The following SPOPL variants were observed in gnomAD, a reference collection of about 807,000 sequenced individuals.
SPOPL encodes the protein speckle type BTB/POZ protein like, also known as speckle-type POZ protein-like.
Under a neutral mutation model 53.8 loss-of-function variants are expected in SPOPL, and 23 were observed. The observed-to-expected ratio is 0.43, with a 90% confidence interval of 0.31 to 0.61. The LOEUF (loss-of-function observed/expected upper bound fraction) is 0.61. Among genes scored for constraint, SPOPL ranks in the 20% least tolerant of loss-of-function variants. The pLI, the probability that SPOPL is intolerant of heterozygous loss-of-function variation, is 0.12. For synonymous variants in SPOPL, 164 were observed against 149.7 expected, an observed-to-expected ratio of 1.10 and a Z score of -0.70; for missense variants, 442 against 466.9, an observed-to-expected ratio of 0.95 and a Z score of 0.49.
rs536338391 is a variant in SPOPL, at chr2:138,566,485, G to A, written c.1034+1492G>A. 9.9e-5 allele frequency among the ~76,000 whole-genome samples: 15 copies of A among 152,226 alleles called. No individual in the cohort carries two copies. In the South Asian group the frequency reaches 2.5e-3, roughly 25 times the overall value. ...TTAATAAATGAAAAAGGTGTAATTG[G>A]TATCTATGTGATTCTAAACAACTAA... On this transcript the variant is annotated intron_variant, in intron 10 of 10. Transcript: ENST00000280098.
chr2:138,510,998 T>C (rs1684312201), intron 1 of SPOPL, among the ~76,000 whole-genome samples: 2 of 152,176 alleles, frequency 1.3e-5, no homozygotes, highest in Admixed American at 1.3e-4. Context: ...GTAGAAAAGC[T>C]CAAGTGGGGC....
At chr2:138,561,549 T>C (rs1228779197) in intron 8 of SPOPL, among the ~76,000 whole-genome samples, 1 of 152,180 alleles carries the variant, frequency 6.6e-6, no homozygotes, top group Non-Finnish European at 1.5e-5. Flanking sequence ...GGATGGTATG[T>C]GTGTATATAT....
At chr2:138,531,921 T>C (rs1573883713) in intron 1 of SPOPL, among the ~76,000 whole-genome samples, 1 of 152,332 alleles carries the variant, frequency 6.6e-6, no homozygotes, top group South Asian at 2.1e-4. Flanking sequence ...ATTTATTTTT[T>C]CTTTTCTTAG....
intron 1 of SPOPL, among the ~76,000 whole-genome samples, chr2:138,534,003 AT>A (rs958294545): frequency 4.7e-4 from 71 of 152,032 alleles, no homozygotes; most frequent in African/African-American, 1.5e-3. Context: ...AGACAGCATG[AT>A]TTTTTTTAAC....
At chr2:138,515,891 G>C (rs886574470) in intron 1 of SPOPL, among the ~76,000 whole-genome samples, 5 of 152,088 alleles carry the variant, frequency 3.3e-5, no homozygotes, top group African/African-American at 1.2e-4. Context: ...GCAGCCATTT[G>C]GTAAATACTT....
chr2:138,526,549 A>G (rs1000147577), intron 1 of SPOPL, among the ~76,000 whole-genome samples: 6 of 152,084 alleles, frequency 3.9e-5, no homozygotes, highest in African/African-American at 7.2e-5. Context: ...TATATATTTT[A>G]TAAAACTATA....
chr2:138,511,737 T>C (rs937970880), intron 1 of SPOPL, among the ~76,000 whole-genome samples: 5 of 152,138 alleles, frequency 3.3e-5, no homozygotes, highest in African/African-American at 1.2e-4. Context: ...GCTACCTTGT[T>C]TTGTGGTTGT....
chr2:138,507,429 G>T (rs1684238501), intron 1 of SPOPL, among the ~76,000 whole-genome samples: 1 of 152,196 alleles, frequency 6.6e-6, no homozygotes, highest in Non-Finnish European at 1.5e-5. Context: ...ACAAATATTT[G>T]TTTTTCTTGT....
At chr2:138,514,046 C>T (rs1684386211) in intron 1 of SPOPL, among the ~76,000 whole-genome samples, 1 of 152,068 alleles carries the variant, frequency 6.6e-6, no homozygotes, top group African/African-American at 2.4e-5. Context: ...GTGTTTTATC[C>T]TGGCTTCTTA....
chr2:138,554,266 G>GC (rs1685375006), intron 5 of SPOPL, among the ~76,000 whole-genome samples: 1 of 151,898 alleles, frequency 6.6e-6, no homozygotes, highest in Admixed American at 6.6e-5. Flanking sequence ...TTTAAAGTTG[G>GC]CATCAATCAG....
intron 1 of SPOPL, among the ~76,000 whole-genome samples, chr2:138,543,326 G>C (rs1685117079): frequency 6.6e-6 from 1 of 152,222 alleles, no homozygotes; most frequent in African/African-American, 2.4e-5. Context: ...ATCCTGCAGA[G>C]TGTTTTCCCA....
At position 138,568,921 on chromosome 2, in the gene SPOPL, A is replaced by G; in HGVS notation, c.1035-15A>G. 6.2e-7 allele frequency: 1 copy of G among 1,613,068 alleles called. No individual in the cohort carries two copies. Among genetic ancestry groups the G allele is most frequent in the Non-Finnish European group, 8.5e-7 (1 of 1,179,462 alleles). On this transcript the variant is annotated splice_polypyrimidine_tract_variant and intron_variant, in intron 10 of 10. Transcript: ENST00000280098. The stretch of plus-strand genomic sequence containing the variant: ...AAGTATTCTTTAGTAAATATCTTTT[A>G]ATTCTATTTTTCAGCCAAGCAACCG...
chr2:138,519,365 G>GA (rs1163909233), intron 1 of SPOPL, among the ~76,000 whole-genome samples: 1 of 147,454 alleles, frequency 6.8e-6, no homozygotes, highest in Non-Finnish European at 1.5e-5. Context: ...TGATGAATTG[G>GA]AAAAAATCAT....
At chr2:138,538,416 C>A (rs1316296247) in intron 1 of SPOPL, among the ~76,000 whole-genome samples, 2 of 152,114 alleles carry the variant, frequency 1.3e-5, no homozygotes, top group Admixed American at 1.3e-4. Flanking sequence ...ACTTGTCATA[C>A]CTTCTTGATG....
At position 138,564,832 on chromosome 2, in the gene SPOPL, C is replaced by T; in HGVS notation, c.962C>T (p.Ala321Val). 1 of 1,614,138 alleles carries T rather than the reference C, an allele frequency of 6.2e-7. No homozygotes were observed. ...LHSAEQLKAQ[A>V]IDFINRCSVL... ...AGTGCAGAACAGTTGAAAGCACAAG[C>T]CATAGACTTTATTAATAGGTAAGCT... Residue 321 changes from alanine (A) to valine (V), a missense_variant, in exon 9 of 11, where the codon GCC becomes GTC. Ala to Val is a moderately conservative substitution (Grantham distance 64). Coordinates refer to ENST00000280098, the MANE Select transcript of SPOPL (RefSeq NM_001001664.3).
intron 1 of SPOPL, among the ~76,000 whole-genome samples, chr2:138,543,672 G>A (rs1381698291): frequency 6.6e-6 from 1 of 151,918 alleles, no homozygotes; most frequent in Non-Finnish European, 1.5e-5. Context: ...TCTTTGCCAT[G>A]GGTTTGAACT....
intron 1 of SPOPL, among the ~76,000 whole-genome samples, chr2:138,542,641 G>C (rs913453848): frequency 1.3e-5 from 2 of 152,154 alleles, no homozygotes; most frequent in Non-Finnish European, 2.9e-5. Context: ...CTGCCTGTGA[G>C]ATGGGTTTCC....
intron 1 of SPOPL, among the ~76,000 whole-genome samples, chr2:138,507,469 A>G (rs1684239306): frequency 6.6e-6 from 1 of 152,230 alleles, no homozygotes. Context: ...CAGTTTATTC[A>G]GGTTGCCTTG....
intron 1 of SPOPL, among the ~76,000 whole-genome samples, chr2:138,537,735 T>A (rs1684968016): frequency 6.6e-6 from 1 of 152,198 alleles, no homozygotes; most frequent in African/African-American, 2.4e-5. Context: ...TCTGACTCCT[T>A]GAGTTAGGAC....
Sources: gnomAD v4.1 joint callset for allele counts (sites outside exome capture counted in the v4.1 genomes callset) on GRCh38, gnomAD v4.1.1 for gene constraint, MANE v1.5 for transcripts, NCBI Gene and HGNC (gene_info 2026-07-23, HGNC 2026-07-21) for gene names.